CPS1: variants seen among roughly 807,000 people sequenced by gnomAD.
CPS1 encodes carbamoyl-phosphate synthase [ammonia], mitochondrial.
In CPS1, 109 loss-of-function variants were observed where a neutral mutation model predicts 174.6. The ratio of observed to expected loss-of-function variants is 0.62; its 90% CI spans 0.53 to 0.73. The LOEUF is 0.73. Ranked by LOEUF, CPS1 falls within the 30% of genes least tolerant of loss-of-function variation. The probability of loss-of-function intolerance (pLI) is 0.00; values close to 1 mark genes in which losing one functional copy is unlikely to be tolerated. For missense variants in CPS1, 1,689 were observed against 1,821.9 expected, an observed-to-expected ratio of 0.93 and a Z score of 1.33; for synonymous variants, 637 against 632.0, an observed-to-expected ratio of 1.01 and a Z score of -0.12.
chr2:210,508,439 A>C (rs899086407), intron 1 of CPS1, among the ~76,000 whole-genome samples: 1 of 152,014 alleles, frequency 6.6e-6, no homozygotes, highest in Admixed American at 6.5e-5. Context: ...AAGATCTAAA[A>C]TTGACACCCT....
At chr2:210,560,866 A>G (rs1697075583) in intron 1 of CPS1, among the ~76,000 whole-genome samples, 1 of 152,180 alleles carries the variant, frequency 6.6e-6, no homozygotes. Flanking sequence ...ACTTTTAAGA[A>G]TAACTATTTT....
intron 10 of CPS1, 51 bp from the exon 11 acceptor site, chr2:210,592,828 T>G (rs747156864): frequency 2.0e-6 from 3 of 1,511,464 alleles, no homozygotes; most frequent in African/African-American, 2.8e-5. Flanking sequence ...ATAGCCACAC[T>G]TGACATTCAT....
chr2:210,515,818 T>C (rs574490875), intron 1 of CPS1, among the ~76,000 whole-genome samples: 2 of 151,990 alleles, frequency 1.3e-5, no homozygotes, highest in Non-Finnish European at 2.9e-5. Flanking sequence ...CTTTCTAGCT[T>C]TTTGAGGTGG....
intron 1 of CPS1, among the ~76,000 whole-genome samples, chr2:210,507,240 A>G (rs935064736): frequency 7.2e-5 from 11 of 152,244 alleles, no homozygotes; most frequent in Non-Finnish European, 1.6e-4. Flanking sequence ...CTTAAAGAAA[A>G]GAATTTTCAA....
At chr2:210,619,937 G>A (rs1274571627) in intron 21 of CPS1, 1 of 151,846 alleles carries the variant, frequency 6.6e-6, no homozygotes, top group Non-Finnish European at 1.5e-5. Context: ...CCTGTTGGGG[G>A]GTGGGGGGCT....
chr2:210,523,384 G>A (rs770613723), intron 1 of CPS1, among the ~76,000 whole-genome samples: 1 of 151,914 alleles, frequency 6.6e-6, no homozygotes, highest in African/African-American at 2.4e-5. Context: ...AATGTATTTT[G>A]TATTAATTTT....
In CPS1 at chr2:210,670,276, G is replaced by A. The variant is rs145458755; in HGVS notation, c.4101+1992G>A. On this transcript the variant is annotated intron_variant, in intron 34 of 37. Transcript: ENST00000233072. ...ACTTAAGAAAATATTTACAGCCATGGCAAAATTGATCAGCTAATGCATAGT... is the reference window on the plus strand; with the variant it reads ...ACTTAAGAAAATATTTACAGCCATGACAAAATTGATCAGCTAATGCATAGT... Among the ~76,000 whole-genome samples, 285 of 152,188 alleles carry A rather than the reference G, an allele frequency of 1.9e-3. 1 individual carries two copies. Among genetic ancestry groups the A allele is most frequent in the African/African-American group, 6.2e-3 (258 of 41,542 alleles).
rs1412760823 is a variant in CPS1 at position 210,634,750 on chromosome 2, C to A, written c.2688-2952C>A. Among the ~76,000 whole-genome samples the A allele has an allele frequency of 2.6e-5, 4 of 152,294 alleles. No homozygotes were observed. In the East Asian group the frequency reaches 7.7e-4, roughly 29 times the overall value. On this transcript the variant is annotated intron_variant, in intron 21 of 37. Transcript: ENST00000233072. Reference sequence around the variant, plus strand: ...TTTCATCTTCCATCATTAATACAGGCAGGACAGGTCTGATACAGAGCACGT... The same window carrying A: ...TTTCATCTTCCATCATTAATACAGGAAGGACAGGTCTGATACAGAGCACGT...
At chr2:210,607,036 C>T in intron 18 of CPS1, 95 bp downstream of exon 18, 1 of 1,106,918 alleles carries the variant, frequency 9.0e-7, no homozygotes, top group Non-Finnish European at 1.3e-6. Context: ...CATTTACAAA[C>T]TATGTTCCCT....
At chr2:210,485,903 G>T (rs550404850) in intron 1 of CPS1, among the ~76,000 whole-genome samples, 1 of 151,950 alleles carries the variant, frequency 6.6e-6, no homozygotes, top group Non-Finnish European at 1.5e-5. Context: ...GAGATTTCTA[G>T]TTCCTCCACG....
intron 21 of CPS1, among the ~76,000 whole-genome samples, chr2:210,635,007 G>A (rs1346656152): frequency 6.6e-6 from 1 of 152,136 alleles, no homozygotes; most frequent in Non-Finnish European, 1.5e-5. Flanking sequence ...GCAGTGGCGT[G>A]ATCTCGGCTC....
intron 34 of CPS1, among the ~76,000 whole-genome samples, chr2:210,670,501 T>A (rs1701264748): frequency 1.3e-5 from 2 of 152,114 alleles, no homozygotes. Flanking sequence ...GATAAAGTAA[T>A]TAGGGTTCCA....
chr2:210,613,975 GAA>G (rs768125531), intron 20 of CPS1, among the ~76,000 whole-genome samples: 1 of 151,860 alleles, frequency 6.6e-6, no homozygotes, highest in African/African-American at 2.4e-5. Context: ...GGCTGAAGGG[GAA>G]AAAGAATGAA....
intron 1 of CPS1, among the ~76,000 whole-genome samples, chr2:210,479,382 G>A (rs1181823226): frequency 6.8e-6 from 1 of 147,812 alleles, no homozygotes; most frequent in Non-Finnish European, 1.5e-5. Context: ...AGGCTGGAGT[G>A]CAGTGGCACG....
chr2:210,560,692 C>A (rs570073417), intron 1 of CPS1, among the ~76,000 whole-genome samples: 1 of 152,170 alleles, frequency 6.6e-6, no homozygotes, highest in East Asian at 1.9e-4. Flanking sequence ...TCTTGAGGAG[C>A]TATTGTCATT....
intron 1 of CPS1, among the ~76,000 whole-genome samples, chr2:210,498,989 T>G (rs934088328): frequency 6.6e-6 from 1 of 152,174 alleles, no homozygotes; most frequent in South Asian, 2.1e-4. Flanking sequence ...GGTGAGTGGA[T>G]GCTCCAAATG....
At chr2:210,535,906 A>G (rs532476484) in intron 1 of CPS1, among the ~76,000 whole-genome samples, 1 of 147,798 alleles carries the variant, frequency 6.8e-6, no homozygotes, top group East Asian at 2.0e-4. Context: ...TGCTTTTCCA[A>G]GTCAGATTGC....
At chr2:210,490,822 C>A (rs1694856045) in intron 1 of CPS1, among the ~76,000 whole-genome samples, 1 of 152,166 alleles carries the variant, frequency 6.6e-6, no homozygotes, top group Non-Finnish European at 1.5e-5. Flanking sequence ...TATTGTAATT[C>A]TTGAAAATCT....
rs1022147946 is a variant in CPS1 at position 210,573,349 on chromosome 2, T to G, written c.178T>G (p.Ser60Ala). 2 of 1,613,156 alleles carry G rather than the reference T, an allele frequency of 1.2e-6. No homozygotes were observed. The highest frequency in any genetic ancestry group is 1.3e-5 in the African/African-American group (1 of 74,884). ...LEDGTKMKGY[S>A]FGHPSSVAGE... Reference sequence around the variant, plus strand: ...AGATGGAACTAAGATGAAAGGTTACTCCTTTGGCCATCCATCCTCTGTTGC... The same window carrying G: ...AGATGGAACTAAGATGAAAGGTTACGCCTTTGGCCATCCATCCTCTGTTGC... The change falls in exon 2 of 38, where the codon TCC (serine) becomes GCC (alanine). Residue 60 changes from serine to alanine, a missense_variant. Ser to Ala is a moderately conservative substitution (Grantham distance 99). Transcript: ENST00000233072.
Sources: allele counts gnomAD v4.1 joint callset (sites outside exome capture counted in the v4.1 genomes callset), GRCh38; gene constraint gnomAD v4.1.1; transcripts MANE v1.5; gene names NCBI Gene and HGNC (gene_info 2026-07-23, HGNC 2026-07-21).